The following AASS variants were observed in gnomAD, a reference collection of about 807,000 sequenced individuals.
The protein encoded by AASS is aminoadipate-semialdehyde synthase, also known as alpha-aminoadipic semialdehyde synthase, mitochondrial.
In AASS, 86 loss-of-function variants were observed where a neutral mutation model predicts 105.4. The observed-to-expected ratio is 0.82, with a 90% confidence interval of 0.69 to 0.98. The LOEUF (loss-of-function observed/expected upper bound fraction) is 0.98. AASS is among the 50% of genes least tolerant of loss of function. The pLI, the probability that AASS is intolerant of heterozygous loss-of-function variation, is 0.00. For missense variants in AASS, 1,048 were observed against 1,143.2 expected (o/e 0.92, Z 1.20); for synonymous variants, 381 against 394.8 (o/e 0.96, Z 0.41).
chr7:122,133,435 C>T, intron 2 of AASS, 82 bp downstream of exon 2: 1 of 1,448,366 alleles, frequency 6.9e-7, no homozygotes, highest in Admixed American at 1.8e-5. Flanking sequence ...CACTAGCAAA[C>T]ATTTTATTTT....
intron 6 of AASS, among the ~76,000 whole-genome samples, chr7:122,117,961 A>C (rs1795264911): frequency 6.6e-6 from 1 of 152,090 alleles, no homozygotes; most frequent in East Asian, 1.9e-4. Flanking sequence ...TGGCTGAATT[A>C]TCTCTTTTAA....
intron 20 of AASS, among the ~76,000 whole-genome samples, chr7:122,080,146 A>C (rs1324179322): frequency 1.3e-5 from 2 of 152,208 alleles, no homozygotes; most frequent in African/African-American, 2.4e-5. Context: ...AGAGATGAGA[A>C]AGTCCTTGCA....
intron 11 of AASS, among the ~76,000 whole-genome samples, chr7:122,106,876 CA>C (rs1326714020): frequency 6.6e-6 from 1 of 151,698 alleles, no homozygotes; most frequent in Non-Finnish European, 1.5e-5. Flanking sequence ...ATGAAGACAC[CA>C]AAAACAAATG....
chr7:122,088,676 G>A (rs1035442503), intron 18 of AASS, among the ~76,000 whole-genome samples: 2 of 152,242 alleles, frequency 1.3e-5, no homozygotes, highest in Middle Eastern at 3.4e-3. Context: ...TGCAGTCAAG[G>A]TGGTGGCAGG....
intron 1 of AASS, among the ~76,000 whole-genome samples, chr7:122,140,508 A>AAAAAAAAAAAAAAAAAAAAAT (rs58125601): frequency 6.7e-6 from 1 of 149,540 alleles, no homozygotes; most frequent in Non-Finnish European, 1.5e-5. Flanking sequence ...AAAAAAAAAA[A>AAAAAAAAAAAAAAAAAAAAAT]GAATGAACTA....
intron 9 of AASS, 80 bp downstream of exon 9, chr7:122,114,994 C>A (rs1404792675): frequency 1.4e-5 from 22 of 1,592,724 alleles, no homozygotes; most frequent in Admixed American, 6.7e-5. Flanking sequence ...AAATCAAGTC[C>A]TCTGATATGT....
intron 7 of AASS, 31 bp from the exon 8 acceptor site, chr7:122,116,791 G>A (rs1251951715): frequency 2.5e-6 from 4 of 1,613,186 alleles, no homozygotes; most frequent in East Asian, 2.2e-5. Flanking sequence ...TAGTAAAGTG[G>A]GTGACAAATA....
intron 1 of AASS, among the ~76,000 whole-genome samples, chr7:122,139,866 C>T (rs1006349688): frequency 6.6e-6 from 1 of 151,710 alleles, no homozygotes; most frequent in South Asian, 2.1e-4. Flanking sequence ...GCATGAAAAT[C>T]ACTTGAGCCC....
At chr7:122,096,815 G>A (rs1402447063) in intron 15 of AASS, among the ~76,000 whole-genome samples, 2 of 151,916 alleles carry the variant, frequency 1.3e-5, no homozygotes, top group East Asian at 3.9e-4. Flanking sequence ...AGAGATTGAT[G>A]TCTTTGTCCA....
chr7:122,076,187 A>AG lies in AASS; in HGVS notation c.*301_*302insC. 9.5e-6 allele frequency: 3 copies of AG among 316,922 alleles called. No homozygotes were observed. The highest frequency in any genetic ancestry group is 1.8e-5 in the Non-Finnish European group (3 of 168,076). 19.6% of individuals were successfully genotyped at this position (316,922 alleles called of 1,614,324 possible). On this transcript the variant is annotated 3_prime_UTR_variant, in exon 24 of 24. Coordinates refer to ENST00000417368, the MANE Select transcript of AASS (RefSeq NM_005763.4). ...AGACTCCATCTCAAAAAACAACAACAACAAAAAAAAAACAAAAGAAAAAAA... is the reference window on the plus strand; with the variant it reads ...AGACTCCATCTCAAAAAACAACAACAGACAAAAAAAAAACAAAAGAAAAAAA...
In AASS at chr7:122,126,460, C is replaced by T. The variant is rs1158688887; in HGVS notation, c.388-1G>A. ...TCTCATAATCAATAAGGCGAATTTC[C>T]TGAAAAGAGGATAAAAAAATTTCAA... On this transcript the variant is annotated splice_acceptor_variant, in intron 3 of 23. Transcript: ENST00000417368. LOFTEE classifies it high-confidence loss of function. 2 of 1,613,260 alleles carry T rather than the reference C, an allele frequency of 1.2e-6. No homozygotes were observed. Among genetic ancestry groups the T allele is most frequent in the East Asian group, 4.5e-5 (2 of 44,870 alleles).
At chr7:122,090,997 C>T (rs1793874585) in intron 18 of AASS, among the ~76,000 whole-genome samples, 1 of 152,050 alleles carries the variant, frequency 6.6e-6, no homozygotes, top group South Asian at 2.1e-4. Context: ...AGCTCTGAGC[C>T]ACTTTAACAT....
Position 122,081,551 on chromosome 7 carries a change from T to C in AASS, c.2229A>G (p.Ile743Met). Residue 743 changes from isoleucine to methionine, a missense_variant, in exon 20 of 24, where the codon ATA (isoleucine) becomes ATG (methionine). By Grantham distance (10) the Ile-to-Met change is conservative. Transcript: ENST00000417368. Reference sequence around the variant, plus strand: ...TAAAGGCAGGAAGCGCTTCTCTGTTTATAAGACCTAATTTTACAAATCCAT... The same window carrying C: ...TAAAGGCAGGAAGCGCTTCTCTGTTCATAAGACCTAATTTTACAAATCCAT... Reference protein sequence around the residue: ...ALNGFVKLGLINREALPAFRP... With the variant: ...ALNGFVKLGLMNREALPAFRP... The C allele has an allele frequency of 1.2e-6, 2 of 1,614,002 alleles. No homozygotes were observed. The highest frequency in any genetic ancestry group is 1.7e-6 in the Non-Finnish European group (2 of 1,179,892).
chr7:122,126,291 C>G (rs912082100), intron 4 of AASS, 84 bp downstream of exon 4: 10 of 1,170,642 alleles, frequency 8.5e-6, no homozygotes, highest in African/African-American at 4.5e-5. Flanking sequence ...ACACTCCTAT[C>G]CCCTTGCCGC....
At chr7:122,120,775 C>A (rs956518000) in intron 4 of AASS, among the ~76,000 whole-genome samples, 6 of 151,910 alleles carry the variant, frequency 3.9e-5, no homozygotes, top group Non-Finnish European at 8.8e-5. Context: ...TTAAAAATAT[C>A]TTCTAATTTT....
Position 122,086,153 on chromosome 7 carries a change from G to A in AASS, c.2043C>T (p.Ser681=), listed in dbSNP as rs766515480. Residue 681 remains serine (S), a synonymous_variant, in exon 19 of 24, where the codon TCC becomes TCT. Coordinates refer to ENST00000417368, the MANE Select transcript of AASS (RefSeq NM_005763.4). ...CCATGGACGTAACGGCATCAAGAAA[G>A]GAGATGCCTCCTGCAACATTCACAA... ...GKVVNVAGGI[S]FLDAVTSMDF... 44 of 1,613,408 alleles carry A rather than the reference G, an allele frequency of 2.7e-5. No individual in the cohort carries two copies. In the Admixed American group the frequency reaches 6.8e-4, roughly 25 times the overall value.
intron 1 of AASS, 55 bp from the exon 2 acceptor site, chr7:122,133,796 AG>A: frequency 6.9e-7 from 1 of 1,457,624 alleles, no homozygotes; most frequent in Non-Finnish European, 9.6e-7. Flanking sequence ...CTGGCAGATC[AG>A]TTCTGGTCTC....
chr7:122,099,116 G>A (rs888447832), intron 13 of AASS, among the ~76,000 whole-genome samples: 4 of 151,816 alleles, frequency 2.6e-5, no homozygotes, highest in Admixed American at 6.6e-5. Context: ...TATATCTACA[G>A]ACGTATAGAT....
chr7:122,116,917 A>G lies in AASS; in HGVS notation c.728T>C (p.Val243Ala), dbSNP rs761724579. ...AIFNELPCEYVEPHELKEVSQ... is the reference protein window; with the variant it reads ...AIFNELPCEYAEPHELKEVSQ... ...AACTTCTTTTAATTCATGGGGCTCC[A>G]CATATTCACAAGGTAGCTCATTAAA... Residue 243 changes from valine (V) to alanine (A), a missense_variant, in exon 7 of 24, where the codon GTG becomes GCG. Transcript: ENST00000417368. 9.9e-6 allele frequency: 16 copies of G among 1,613,940 alleles called. No homozygotes were observed. The South Asian group carries it at 1.6e-4, about 17-fold the overall frequency.
Sources: allele counts gnomAD v4.1 joint callset (sites outside exome capture counted in the v4.1 genomes callset), GRCh38; gene constraint gnomAD v4.1.1; transcripts MANE v1.5; gene names NCBI Gene and HGNC (gene_info 2026-07-23, HGNC 2026-07-21).